Variants in LRRC4C observed in about 807,000 individuals in gnomAD.
LRRC4C encodes leucine-rich repeat-containing protein 4C.
Under a neutral mutation model 33.6 loss-of-function variants are expected in LRRC4C, and 5 were observed. The ratio of observed to expected loss-of-function variants is 0.15; its 90% CI spans 0.08 to 0.31. The LOEUF is 0.31. LRRC4C is among the 10% of genes least tolerant of loss of function. The probability of loss-of-function intolerance (pLI) is 1.00; values close to 1 mark genes in which losing one functional copy is unlikely to be tolerated. For synonymous variants in LRRC4C, 329 were observed against 302.0 expected, an observed-to-expected ratio of 1.09 and a Z score of -0.93; for missense variants, 560 against 796.7, an observed-to-expected ratio of 0.70 and a Z score of 3.58.
At chr11:40,962,835 T>C (rs1297811282) in intron 1 of LRRC4C, among the ~76,000 whole-genome samples, 1 of 151,700 alleles carries the variant, frequency 6.6e-6, no homozygotes, top group African/African-American at 2.4e-5. Flanking sequence ...AAATTATCTT[T>C]TGTAAGATGG....
At chr11:41,230,427 C>T (rs1056950695) in intron 1 of LRRC4C, among the ~76,000 whole-genome samples, 1 of 152,020 alleles carries the variant, frequency 6.6e-6, no homozygotes, top group Non-Finnish European at 1.5e-5. Flanking sequence ...AGTGGAGAGG[C>T]AAATCCCACT....
At chr11:40,941,552 A>T (rs1958145980) in intron 1 of LRRC4C, among the ~76,000 whole-genome samples, 2 of 152,156 alleles carry the variant, frequency 1.3e-5, no homozygotes, top group Admixed American at 1.3e-4. Context: ...TATTTTGGGC[A>T]TGGGGAAGCT....
chr11:40,150,885 TAG>T (rs1858147850), intron 5 of LRRC4C, among the ~76,000 whole-genome samples: 1 of 151,964 alleles, frequency 6.6e-6, no homozygotes, highest in Non-Finnish European at 1.5e-5. Flanking sequence ...GTTATGGAGG[TAG>T]AGAGAGTTAA....
intron 3 of LRRC4C, among the ~76,000 whole-genome samples, chr11:40,331,920 C>A (rs951762385): frequency 2.0e-5 from 3 of 152,106 alleles, no homozygotes; most frequent in Non-Finnish European, 4.4e-5. Flanking sequence ...ATAAATCCTG[C>A]GTACATGTTC....
intron 2 of LRRC4C, among the ~76,000 whole-genome samples, chr11:40,928,127 T>A (rs1222101408): frequency 6.6e-6 from 1 of 152,016 alleles, no homozygotes; most frequent in African/African-American, 2.4e-5. Flanking sequence ...TTTCACTATC[T>A]AAATCTTACA....
intron 3 of LRRC4C, among the ~76,000 whole-genome samples, chr11:40,577,449 G>T (rs1013431818): frequency 6.6e-6 from 1 of 152,178 alleles, no homozygotes; most frequent in Non-Finnish European, 1.5e-5. Context: ...TATAAACCAG[G>T]ACTTTCTCAG....
At chr11:40,240,943 T>G (rs1433261620) in intron 5 of LRRC4C, among the ~76,000 whole-genome samples, 1 of 152,188 alleles carries the variant, frequency 6.6e-6, no homozygotes, top group Non-Finnish European at 1.5e-5. Context: ...TAGGCCACAT[T>G]CTAAAGTAAA....
chr11:40,125,900 T>C (rs554117470), intron 6 of LRRC4C, among the ~76,000 whole-genome samples: 1 of 152,150 alleles, frequency 6.6e-6, no homozygotes, highest in East Asian at 1.9e-4. Context: ...TATTTTCCCA[T>C]TTTTAACCCA....
At chr11:41,247,822 C>G (rs1948502314) in intron 1 of LRRC4C, among the ~76,000 whole-genome samples, 1 of 98,740 alleles carries the variant, frequency 1.0e-5, no homozygotes, top group South Asian at 4.3e-4. Context: ...ATTATGAGTC[C>G]ATTTGATTCC....
intron 2 of LRRC4C, among the ~76,000 whole-genome samples, chr11:40,717,155 T>C (rs144065125): frequency 0.022 from 3,308 of 152,278 alleles, 44 homozygotes; most frequent in Non-Finnish European, 0.032. Flanking sequence ...GCATGGGATA[T>C]TTGGTGAGGG....
At chr11:40,964,120 A>G (rs927757782) in intron 1 of LRRC4C, among the ~76,000 whole-genome samples, 3 of 151,760 alleles carry the variant, frequency 2.0e-5, no homozygotes, top group Non-Finnish European at 4.4e-5. Context: ...CCAGCATAAC[A>G]ATAGTATGAA....
chr11:41,225,381 T>A (rs1165250904), intron 1 of LRRC4C, among the ~76,000 whole-genome samples: 1 of 152,188 alleles, frequency 6.6e-6, no homozygotes, highest in Non-Finnish European at 1.5e-5. Context: ...ACACATTGCA[T>A]GCCTGTATCA....
At chr11:41,358,870 C>T (rs905042875) in intron 1 of LRRC4C, among the ~76,000 whole-genome samples, 2 of 152,084 alleles carry the variant, frequency 1.3e-5, no homozygotes, top group East Asian at 1.9e-4. Flanking sequence ...ATGCTCCTTG[C>T]TATTTGTGCA....
intron 1 of LRRC4C, among the ~76,000 whole-genome samples, chr11:40,946,968 T>A (rs779068391): frequency 1.3e-4 from 20 of 152,146 alleles, no homozygotes; most frequent in Non-Finnish European, 2.2e-4. Context: ...AATAGATCCC[T>A]AAAACTACAC....
At chr11:41,142,558 G>A (rs1440329243) in intron 1 of LRRC4C, among the ~76,000 whole-genome samples, 3 of 152,098 alleles carry the variant, frequency 2.0e-5, no homozygotes, top group South Asian at 2.1e-4. Flanking sequence ...TTGCTAGAAC[G>A]GGACAGAGAT....
chr11:40,746,400 A>C (rs571059160), intron 2 of LRRC4C, among the ~76,000 whole-genome samples: 1 of 152,294 alleles, frequency 6.6e-6, no homozygotes, highest in African/African-American at 2.4e-5. Context: ...AGCGAAGCAC[A>C]GGCTGCTGCT....
intron 2 of LRRC4C, among the ~76,000 whole-genome samples, chr11:40,648,887 G>A (rs918599099): frequency 2.6e-5 from 4 of 152,064 alleles, no homozygotes; most frequent in African/African-American, 7.2e-5. Flanking sequence ...CTGGGCCTCC[G>A]GGGGTGACCT....
chr11:40,364,006 A>G lies in LRRC4C; in HGVS notation c.-269-44285T>C, dbSNP rs568844513. ...TCTGATGTCTTTTTCTTAGGTTTAC[A>G]AGACTAATGGATATTCTGTACCCAC... is the stretch of plus-strand genomic sequence containing the variant. On this transcript the variant is annotated intron_variant, in intron 3 of 6. Transcript: ENST00000528697. Among the ~76,000 whole-genome samples the G allele has an allele frequency of 2.6e-5, 4 of 152,320 alleles. No individual in the cohort carries two copies. In the South Asian group the frequency reaches 8.3e-4, roughly 32 times the overall value.
chr11:40,403,480 C>T (rs1476477169), intron 3 of LRRC4C, among the ~76,000 whole-genome samples: 1 of 151,956 alleles, frequency 6.6e-6, no homozygotes, highest in Non-Finnish European at 1.5e-5. Flanking sequence ...AAAGCAAGAC[C>T]GAATGAGATC....
Sources: gnomAD v4.1 joint callset for allele counts (sites outside exome capture counted in the v4.1 genomes callset) on GRCh38, gnomAD v4.1.1 for gene constraint, MANE v1.5 for transcripts, NCBI Gene and HGNC (gene_info 2026-07-23, HGNC 2026-07-21) for gene names.